The following SOX5 variants were observed in gnomAD, a reference collection of about 807,000 sequenced individuals.
The protein encoded by SOX5 is transcription factor SOX-5.
Under a neutral mutation model 92.0 loss-of-function variants are expected in SOX5, and 9 were observed. That is an observed-to-expected ratio of 0.10 (90% CI 0.06 to 0.17). The LOEUF is 0.17. Among genes scored for constraint, SOX5 ranks in the 10% least tolerant of loss-of-function variants. The probability of loss-of-function intolerance (pLI) is 1.00; values close to 1 mark genes in which losing one functional copy is unlikely to be tolerated. For synonymous variants in SOX5, 344 were observed against 336.3 expected, an observed-to-expected ratio of 1.02 and a Z score of -0.25; for missense variants, 642 against 944.5, an observed-to-expected ratio of 0.68 and a Z score of 4.20.
chr12:24,006,422 C>T (rs1394748936), intron 4 of SOX5, among the ~76,000 whole-genome samples: 2 of 152,060 alleles, frequency 1.3e-5, no homozygotes, highest in Non-Finnish European at 2.9e-5. Flanking sequence ...CCCTTATTTA[C>T]TGCTTTCTAA....
chr12:24,006,096 A>G (rs1952129737), intron 4 of SOX5, among the ~76,000 whole-genome samples: 1 of 152,150 alleles, frequency 6.6e-6, no homozygotes. Context: ...ATAATCTACA[A>G]TGGGAAAAAA....
At chr12:23,787,345 A>G (rs1036346694) in intron 3 of SOX5, among the ~76,000 whole-genome samples, 4 of 151,964 alleles carry the variant, frequency 2.6e-5, no homozygotes, top group Non-Finnish European at 5.9e-5. Flanking sequence ...TGAACAAACT[A>G]TTTAAAACAG....
chr12:24,284,082 T>C (rs1945539635), intron 2 of SOX5, among the ~76,000 whole-genome samples: 1 of 152,236 alleles, frequency 6.6e-6, no homozygotes, highest in African/African-American at 2.4e-5. Context: ...CTATGTCAGA[T>C]AGTCGCATTG....
chr12:24,163,573 ATTATCTGGC>A (rs1228298037), intron 4 of SOX5, among the ~76,000 whole-genome samples: 1 of 149,170 alleles, frequency 6.7e-6, no homozygotes, highest in Non-Finnish European at 1.5e-5. Context: ...TTCATGCCGC[ATTATCTGGC>A]TTGGGTCATA....
intron 1 of SOX5, among the ~76,000 whole-genome samples, chr12:24,479,591 C>A (rs1197718302): frequency 1.3e-5 from 2 of 151,992 alleles, no homozygotes; most frequent in Non-Finnish European, 2.9e-5. Context: ...ATTATAATTT[C>A]AATAAAAATA....
In SOX5 at chr12:23,861,172, T is replaced by C. The variant is rs753814317; in HGVS notation, c.271-14979A>G. Reference sequence around the variant, plus strand: ...ATGAGAAACGGAAGCAACTTTCCCTTAGTGACAATGAATGGGCTCTCAGAA... The same window carrying C: ...ATGAGAAACGGAAGCAACTTTCCCTCAGTGACAATGAATGGGCTCTCAGAA... On this transcript the variant is annotated intron_variant, in intron 2 of 14. Transcript: ENST00000451604. Among the ~76,000 whole-genome samples the C allele has an allele frequency of 7.9e-5, 12 of 152,070 alleles. 1 individual carries two copies. The highest frequency in any genetic ancestry group is 1.6e-4 in the Non-Finnish European group (11 of 68,004).
At chr12:24,298,689 A>G (rs753096400) in intron 2 of SOX5, among the ~76,000 whole-genome samples, 1 of 151,058 alleles carries the variant, frequency 6.6e-6, no homozygotes, top group Non-Finnish European at 1.5e-5. Flanking sequence ...TCAGAAAAAT[A>G]CTATGAGAGA....
intron 3 of SOX5, among the ~76,000 whole-genome samples, chr12:23,837,260 T>G (rs1440762808): frequency 4.3e-4 from 48 of 112,758 alleles, no homozygotes; most frequent in South Asian, 2.5e-3. Flanking sequence ...TTTATATTTA[T>G]ATAATATATA....
At chr12:24,046,398 G>T (rs762409877) in intron 4 of SOX5, among the ~76,000 whole-genome samples, 34 of 152,132 alleles carry the variant, frequency 2.2e-4, no homozygotes, top group Non-Finnish European at 4.4e-4. Context: ...AGTAATTTAG[G>T]CTTGAAATTT....
chr12:23,814,199 A>C (rs2095937821), intron 3 of SOX5, among the ~76,000 whole-genome samples: 1 of 152,214 alleles, frequency 6.6e-6, no homozygotes, highest in South Asian at 2.1e-4. Context: ...CCTAACATAT[A>C]TCCCCTGTGG....
chr12:24,181,052 G>A (rs1313102325), intron 4 of SOX5, among the ~76,000 whole-genome samples: 1 of 152,124 alleles, frequency 6.6e-6, no homozygotes, highest in Non-Finnish European at 1.5e-5. Flanking sequence ...AACACAATCT[G>A]TCTACATCCC....
Position 24,285,606 on chromosome 12 carries a change from T to G in SOX5, c.-173-8294A>C, listed in dbSNP as rs554398416. 3.0e-4 allele frequency among the ~76,000 whole-genome samples: 45 copies of G among 152,328 alleles called. 1 individual carries two copies. Among genetic ancestry groups the G allele is most frequent in the African/African-American group, 1.1e-3 (45 of 41,586 alleles). On this transcript the variant is annotated intron_variant, in intron 2 of 4. Transcript: ENST00000446891. ...AGTCTATTTTAAGGAGGTAGCTCAG[T>G]CTGGCATGAAAATACATTTTTCCAG...
Position 23,563,354 on chromosome 12 carries a change from C to A in SOX5, c.1392G>T (p.Arg464=). The change falls in exon 11 of 15, where the codon CGG becomes CGT. Residue 464 remains arginine, a synonymous_variant. Transcript: ENST00000451604. The part of the protein sequence containing the change: ...DAVTKAIQEA[R]QMKEQLRREQ... ...CCCGTCGGAGTTGCTCCTTCATTTGCCGAGCTTCTTGGATTGCCTTGGTGA... is the reference window on the plus strand; with the variant it reads ...CCCGTCGGAGTTGCTCCTTCATTTGACGAGCTTCTTGGATTGCCTTGGTGA... 1 of 1,613,964 alleles carries A rather than the reference C, an allele frequency of 6.2e-7. No individual in the cohort carries two copies. Among genetic ancestry groups the A allele is most frequent in the Non-Finnish European group, 8.5e-7 (1 of 1,179,904 alleles).
chr12:23,621,595 G>C (rs117847767), intron 8 of SOX5, among the ~76,000 whole-genome samples: 3,155 of 152,112 alleles, frequency 0.021, 52 homozygotes, highest in Middle Eastern at 0.044. Flanking sequence ...GAACTAAAGA[G>C]AACAGGTGCA....
At chr12:24,115,725 A>C (rs909370416) in intron 4 of SOX5, among the ~76,000 whole-genome samples, 1 of 152,256 alleles carries the variant, frequency 6.6e-6, no homozygotes, top group Non-Finnish European at 1.5e-5. Context: ...AAAAGGTTAT[A>C]TATACACTAC....
At chr12:23,587,172 T>C (rs1358488616) in intron 9 of SOX5, among the ~76,000 whole-genome samples, 1 of 152,068 alleles carries the variant, frequency 6.6e-6, no homozygotes, top group African/African-American at 2.4e-5. Flanking sequence ...TAAATTATTA[T>C]ATAGCTCTTC....
intron 7 of SOX5, among the ~76,000 whole-genome samples, chr12:23,655,707 C>T (rs2082222139): frequency 1.3e-5 from 2 of 152,002 alleles, no homozygotes; most frequent in South Asian, 2.1e-4. Context: ...TCCTAAATCA[C>T]TACAATGGTA....
At chr12:23,933,306 AAACAT>A (rs1434796405) in intron 1 of SOX5, among the ~76,000 whole-genome samples, 1 of 151,626 alleles carries the variant, frequency 6.6e-6, no homozygotes, top group African/African-American at 2.4e-5. Context: ...CAGATGGAAA[AAACAT>A]AACATATACT....
In SOX5 at chr12:23,763,400, A is replaced by G. The variant is rs190812234; in HGVS notation, c.482-7676T>C. ...AATATGCTTCACCTTGCCTGTCATG[A>G]AAACTACCCCAAAATCAAAAGTTTC... is the stretch of plus-strand genomic sequence containing the variant. On this transcript the variant is annotated intron_variant, in intron 3 of 14. Transcript: ENST00000451604. 1.2e-3 allele frequency among the ~76,000 whole-genome samples: 177 copies of G among 152,286 alleles called. 3 individuals carry two copies. Among genetic ancestry groups the G allele is most frequent in the Admixed American group, 6.7e-3 (102 of 15,294 alleles).
Sources: allele counts gnomAD v4.1 joint callset (sites outside exome capture counted in the v4.1 genomes callset), GRCh38; gene constraint gnomAD v4.1.1; transcripts MANE v1.5; gene names NCBI Gene and HGNC (gene_info 2026-07-23, HGNC 2026-07-21).